The following COL22A1 variants were observed in gnomAD, a reference collection of about 807,000 sequenced individuals.
COL22A1 encodes collagen alpha-1(XXII) chain.
In COL22A1, 221 loss-of-function variants were observed where a neutral mutation model predicts 248.9. That is an observed-to-expected ratio of 0.89 (90% confidence interval 0.80 to 0.99). COL22A1 has a LOEUF of 0.99. COL22A1 is among the 50% of genes least tolerant of loss of function. COL22A1 has a pLI of 0.00. For missense variants in COL22A1, 2,240 were observed against 2,179.0 expected, an observed-to-expected ratio of 1.03 and a Z score of -0.56; for synonymous variants, 891 against 793.4, an observed-to-expected ratio of 1.12 and a Z score of -2.07.
chr8:138,597,327 T>A (rs1564077871), intron 61 of COL22A1, among the ~76,000 whole-genome samples: 1 of 152,134 alleles, frequency 6.6e-6, no homozygotes. Context: ...TGGCCCCTAA[T>A]CTCTGCTGCC....
intron 24 of COL22A1, 86 bp from the exon 25 acceptor site, chr8:138,724,754 G>A: frequency 7.3e-7 from 1 of 1,376,824 alleles, no homozygotes; most frequent in South Asian, 1.2e-5. Flanking sequence ...CATGGGCCCA[G>A]GCCTCTGGGT....
intron 30 of COL22A1, among the ~76,000 whole-genome samples, chr8:138,708,361 G>T (rs1218571434): frequency 1.3e-5 from 2 of 152,180 alleles, no homozygotes; most frequent in Non-Finnish European, 2.9e-5. Flanking sequence ...AAAGCTGGAG[G>T]CATCAGGCTA....
chr8:138,644,220 G>A (rs1821999543), intron 47 of COL22A1, among the ~76,000 whole-genome samples: 1 of 152,180 alleles, frequency 6.6e-6, no homozygotes, highest in African/African-American at 2.4e-5. Flanking sequence ...CAAGTGGAGG[G>A]TTGGGTCATG....
At chr8:138,603,843 G>A (rs1358027082) in intron 59 of COL22A1, among the ~76,000 whole-genome samples, 8 of 152,168 alleles carry the variant, frequency 5.3e-5, no homozygotes, top group African/African-American at 1.4e-4. Flanking sequence ...GTAAAAATGC[G>A]TCTTCCTCAT....
At chr8:138,896,700 CG>C (rs1457721258) in intron 1 of COL22A1, among the ~76,000 whole-genome samples, 2 of 152,146 alleles carry the variant, frequency 1.3e-5, no homozygotes, top group African/African-American at 4.8e-5. Context: ...AGGCCAGACG[CG>C]GTGGCTTATG....
intron 45 of COL22A1, among the ~76,000 whole-genome samples, chr8:138,654,959 G>T (rs1823096862): frequency 6.6e-6 from 1 of 152,148 alleles, no homozygotes; most frequent in Non-Finnish European, 1.5e-5. Context: ...CTGCGCTCTG[G>T]TCCTGGCCCA....
At chr8:138,766,364 G>GGAT (rs957384621) in intron 16 of COL22A1, among the ~76,000 whole-genome samples, 24 of 152,098 alleles carry the variant, frequency 1.6e-4, no homozygotes, top group Non-Finnish European at 1.0e-4. Context: ...CGGGCCTGAT[G>GGAT]GATGCGTGGT....
At chr8:138,805,971 AGTGTGTGTGATTGTGTGTGATGGTGT>A (rs1323255281) in intron 10 of COL22A1, among the ~76,000 whole-genome samples, 1 of 63,764 alleles carries the variant, frequency 1.6e-5, no homozygotes, top group Non-Finnish European at 3.2e-5. Context: ...TATGTGTGAT[AGTGTGTGTGATTGTGTGTGATGGTGT>A]GTGTGTGTGA....
At chr8:138,828,600 C>T (rs193227062) in intron 5 of COL22A1, among the ~76,000 whole-genome samples, 5 of 152,192 alleles carry the variant, frequency 3.3e-5, no homozygotes, top group Admixed American at 2.6e-4. Flanking sequence ...CACAAGCTCA[C>T]CACAACTCTT....
At chr8:138,825,728 C>A (rs1162650520) in intron 6 of COL22A1, 2 of 152,172 alleles carry the variant, frequency 1.3e-5, no homozygotes, top group South Asian at 2.1e-4. Context: ...ATTGCTTGAG[C>A]ATGCTTTTAT....
At chr8:138,691,566 G>T (rs1392227255) in intron 35 of COL22A1, among the ~76,000 whole-genome samples, 1 of 151,958 alleles carries the variant, frequency 6.6e-6, no homozygotes, top group Non-Finnish European at 1.5e-5. Context: ...TGTTTGTGGA[G>T]GTGTATGTGT....
chr8:138,880,031 C>T (rs1406544546), intron 2 of COL22A1, among the ~76,000 whole-genome samples: 1 of 152,026 alleles, frequency 6.6e-6, no homozygotes, highest in Non-Finnish European at 1.5e-5. Flanking sequence ...TTTTATCCAC[C>T]AATTCCAAAC....
chr8:138,874,446 T>C (rs1823560956), intron 3 of COL22A1, among the ~76,000 whole-genome samples: 1 of 152,210 alleles, frequency 6.6e-6, no homozygotes, highest in African/African-American at 2.4e-5. Context: ...TACTCCCAAA[T>C]GTTAGACAAG....
chr8:138,803,023 C>T (rs555305893), intron 10 of COL22A1, 89 bp from the exon 11 acceptor site: 6 of 1,005,066 alleles, frequency 6.0e-6, no homozygotes, highest in Non-Finnish European at 9.6e-6. Context: ...AACCTTGCTC[C>T]AATTCCCTAG....
At chr8:138,904,271 T>C (rs951277904) in intron 1 of COL22A1, among the ~76,000 whole-genome samples, 3 of 152,074 alleles carry the variant, frequency 2.0e-5, no homozygotes, top group African/African-American at 7.2e-5. Context: ...TAGATATGCT[T>C]TTCCAGAATT....
At chr8:138,714,971 A>C (rs1202421174) in intron 30 of COL22A1, among the ~76,000 whole-genome samples, 1 of 152,068 alleles carries the variant, frequency 6.6e-6, no homozygotes, top group African/African-American at 2.4e-5. Context: ...TGGGCTAATC[A>C]TGTCTATTAT....
chr8:138,898,036 G>T (rs1814255386), intron 1 of COL22A1, among the ~76,000 whole-genome samples: 1 of 152,112 alleles, frequency 6.6e-6, no homozygotes, highest in Admixed American at 6.5e-5. Context: ...AGATCTCTCA[G>T]GCCTCTTTCA....
intron 47 of COL22A1, among the ~76,000 whole-genome samples, chr8:138,640,329 A>G (rs1821568198): frequency 6.6e-6 from 1 of 152,212 alleles, no homozygotes; most frequent in African/African-American, 2.4e-5. Flanking sequence ...GCTGTCCTTC[A>G]TGAACACACT....
chr8:138,755,573 C>G (rs1449917088), intron 19 of COL22A1, 62 bp from the exon 20 acceptor site: 71 of 1,555,558 alleles, frequency 4.6e-5, no homozygotes, highest in Non-Finnish European at 5.9e-5. Context: ...GTCAACCTCT[C>G]TCAGCTGCAC....
Sources: gnomAD v4.1 joint callset for allele counts (sites outside exome capture counted in the v4.1 genomes callset) on GRCh38, gnomAD v4.1.1 for gene constraint, MANE v1.5 for transcripts, NCBI Gene and HGNC (gene_info 2026-07-23, HGNC 2026-07-21) for gene names.